Variants in CIT observed in about 807,000 individuals in gnomAD.
CIT encodes the protein citron Rho-interacting kinase.
CIT carries 79 observed loss-of-function variants against 272.7 expected under a neutral mutation model. The ratio of observed to expected loss-of-function variants is 0.29; its 90% confidence interval spans 0.24 to 0.35. The LOEUF is 0.35. CIT is among the 10% of genes least tolerant of loss of function. CIT has a pLI of 1.00. For synonymous variants in CIT, 948 were observed against 995.6 expected (o/e 0.95, Z 0.90); for missense variants, 1,909 against 2,618.3 (o/e 0.73, Z 5.91).
intron 47 of CIT, 76 bp from the exon 48 acceptor site, chr12:119,688,331 G>A: frequency 1.4e-6 from 2 of 1,401,032 alleles, no homozygotes; most frequent in Non-Finnish European, 2.0e-6. Flanking sequence ...GATGCAAATG[G>A]GAATCTGCAG....
intron 10 of CIT, among the ~76,000 whole-genome samples, chr12:119,798,668 T>C (rs867942519): frequency 3.3e-5 from 5 of 152,206 alleles, no homozygotes; most frequent in Admixed American, 3.3e-4. Flanking sequence ...AGTATGCTTA[T>C]AAGCCCAGTT....
At position 119,718,069 on chromosome 12, in the gene CIT, A is replaced by G. The variant is rs1957625724; in HGVS notation, c.4168+176T>C. Among the ~76,000 whole-genome samples, 1 of 151,666 alleles carries G rather than the reference A, an allele frequency of 6.6e-6. No homozygotes were observed. Among genetic ancestry groups the G allele is most frequent in the Non-Finnish European group, 1.5e-5 (1 of 67,888 alleles). On this transcript the variant is annotated intron_variant, in intron 32 of 47. Coordinates refer to ENST00000392521, the MANE Select transcript of CIT (RefSeq NM_001206999.2). This position sits in a 1 kb window ranked among gnomAD's most constrained non-coding sequence, Gnocchi z 4.8. ...TGGTCAGGCTGGTCTTGAGCTCCCA[A>G]CTTCAGGTGATCCGCCCACCTCGGC...
At chr12:119,822,327 ATTATAGGTTT>A in intron 9 of CIT, among the ~76,000 whole-genome samples, 1 of 152,256 alleles carries the variant, frequency 6.6e-6, no homozygotes, top group East Asian at 1.9e-4. Flanking sequence ...GTGCATATAC[ATTATAGGTTT>A]TACATGCTTG....
chr12:119,756,650 A>G (rs1442442446), intron 22 of CIT, among the ~76,000 whole-genome samples: 1 of 151,996 alleles, frequency 6.6e-6, no homozygotes, highest in African/African-American at 2.4e-5. Context: ...TCCATCTTTC[A>G]CTACTGGGGC....
chr12:119,751,027 G>A (rs138468352), intron 23 of CIT, among the ~76,000 whole-genome samples: 168 of 152,126 alleles, frequency 1.1e-3, no homozygotes, highest in African/African-American at 3.2e-3. Flanking sequence ...CCACAGGAGA[G>A]GGCACCCTGA....
intron 29 of CIT, among the ~76,000 whole-genome samples, chr12:119,720,807 C>T (rs906203170): frequency 2.6e-5 from 4 of 152,128 alleles, no homozygotes; most frequent in Non-Finnish European, 5.9e-5. Context: ...GCAACAGGTT[C>T]CTTGTAGGTC....
At chr12:119,860,602 C>A (rs1223140833) in intron 3 of CIT, among the ~76,000 whole-genome samples, 1 of 152,104 alleles carries the variant, frequency 6.6e-6, no homozygotes, top group Non-Finnish European at 1.5e-5. Flanking sequence ...TACAAAGTTG[C>A]TTAAAGCAGT....
At chr12:119,874,706 G>A (rs1950787166) in intron 2 of CIT, among the ~76,000 whole-genome samples, 1 of 151,914 alleles carries the variant, frequency 6.6e-6, no homozygotes. Flanking sequence ...CTAACACAGT[G>A]AAACCCCGTC....
rs1950592912 is a variant in CIT at position 119,869,053 on chromosome 12, A to AC, written c.238+6_238+7insG. On this transcript the variant is annotated splice_region_variant and intron_variant, in intron 3 of 47. Transcript: ENST00000392521. Reference sequence around the variant, plus strand: ...ACAGTTTTCAAGAAAAAGTTCCCCAAACTTACACTTCCGGACAAAGTTGCT... The same window carrying AC: ...ACAGTTTTCAAGAAAAAGTTCCCCAACACTTACACTTCCGGACAAAGTTGCT... 1 of 1,608,752 alleles carries AC rather than the reference A, an allele frequency of 6.2e-7. No individual in the cohort carries two copies. The highest frequency in any genetic ancestry group is 8.5e-7 in the Non-Finnish European group (1 of 1,179,058).
intron 12 of CIT, chr12:119,783,591 G>C (rs1182665707): frequency 1.5e-5 from 3 of 202,396 alleles, no homozygotes; most frequent in Non-Finnish European, 3.0e-5. Context: ...ACACAACGCA[G>C]ACCACAGAGG....
intron 7 of CIT, among the ~76,000 whole-genome samples, chr12:119,829,216 T>C (rs1336236792): frequency 6.6e-6 from 1 of 152,024 alleles, no homozygotes; most frequent in African/African-American, 2.4e-5. Flanking sequence ...CGGGCACCTG[T>C]AATCCCAGCT....
At chr12:119,742,055 T>C (rs1294573497) in intron 24 of CIT, among the ~76,000 whole-genome samples, 5 of 152,176 alleles carry the variant, frequency 3.3e-5, no homozygotes, top group Non-Finnish European at 7.4e-5. Flanking sequence ...GGGGAGTCTC[T>C]GACCTGGGCT....
At chr12:119,789,002 T>C (rs187566229) in intron 10 of CIT, among the ~76,000 whole-genome samples, 56 of 152,238 alleles carry the variant, frequency 3.7e-4, no homozygotes, top group African/African-American at 1.2e-3. Flanking sequence ...GATTGGAGGA[T>C]GAGGCTGGAG....
Position 119,718,778 on chromosome 12 carries a change from C to T in CIT, c.3924G>A (p.Glu1308=). Reference sequence around the variant, plus strand: ...GCTCTGCACAGCGAGCTTTCTCCTTCTCCAGGGCCAGCTTCAGCTCATTGT... The same window carrying T: ...GCTCTGCACAGCGAGCTTTCTCCTTTTCCAGGGCCAGCTTCAGCTCATTGT... The part of the protein sequence containing the change: ...LQYNELKLAL[E]KEKARCAELE... The change falls in exon 31 of 48, where the codon GAG becomes GAA. Residue 1308 remains glutamate (E), a synonymous_variant. Transcript: ENST00000392521. This position sits in a 1 kb window ranked among gnomAD's most constrained non-coding sequence, Gnocchi z 4.8. The T allele has an allele frequency of 1.2e-6, 2 of 1,614,178 alleles. No homozygotes were observed. The highest frequency in any genetic ancestry group is 1.7e-6 in the Non-Finnish European group (2 of 1,180,040).
At chr12:119,807,160 T>C (rs1966659592) in intron 9 of CIT, among the ~76,000 whole-genome samples, 1 of 152,204 alleles carries the variant, frequency 6.6e-6, no homozygotes. Flanking sequence ...CCCCAGGTGA[T>C]TCATGTGCAC....
chr12:119,785,129 G>T, intron 10 of CIT, 64 bp from the exon 11 acceptor site: 2 of 1,527,764 alleles, frequency 1.3e-6, no homozygotes, highest in Non-Finnish European at 1.8e-6. Flanking sequence ...GCATTAGGAA[G>T]CTGCAACATT....
intron 30 of CIT, among the ~76,000 whole-genome samples, chr12:119,719,634 C>T (rs1039549205): frequency 1.3e-5 from 2 of 152,272 alleles, no homozygotes; most frequent in African/African-American, 4.8e-5. Context: ...AAGATGGCAC[C>T]GGAAATATTG....
intron 23 of CIT, among the ~76,000 whole-genome samples, chr12:119,750,802 T>C (rs767257354): frequency 1.3e-5 from 2 of 151,064 alleles, no homozygotes; most frequent in Non-Finnish European, 3.0e-5. Flanking sequence ...GATAGAGATA[T>C]AGAGATGTAC....
At chr12:119,800,519 C>T (rs753002285) in intron 10 of CIT, among the ~76,000 whole-genome samples, 2 of 152,216 alleles carry the variant, frequency 1.3e-5, no homozygotes, top group Non-Finnish European at 2.9e-5. Context: ...TCCACAAAAA[C>T]TCCTCGTTCA....
Sources: gnomAD v4.1 joint callset for allele counts (sites outside exome capture counted in the v4.1 genomes callset) on GRCh38, gnomAD v4.1.1 for gene constraint, Gnocchi (gnomAD v3.1) non-coding constraint, MANE v1.5 for transcripts, NCBI Gene and HGNC (gene_info 2026-07-23, HGNC 2026-07-21) for gene names.